The following SH2D4A variants were observed in gnomAD, a reference collection of about 807,000 sequenced individuals.
The protein encoded by SH2D4A is SH2 domain-containing protein 4A.
Under a neutral mutation model 64.7 loss-of-function variants are expected in SH2D4A, and 70 were observed. The observed-to-expected ratio is 1.08, with a 90% CI of 0.89 to 1.32. The LOEUF is 1.32. SH2D4A is among the 40% of genes most tolerant of loss of function. SH2D4A has a pLI of 0.00. For missense variants in SH2D4A, 706 were observed against 540.1 expected, an observed-to-expected ratio of 1.31 and a Z score of -3.04; for synonymous variants, 268 against 200.7, an observed-to-expected ratio of 1.34 and a Z score of -2.83.
rs749977451 is a variant in SH2D4A at position 19,394,950 on chromosome 8, G to C, written c.*308G>C. On this transcript the variant is annotated 3_prime_UTR_variant, in exon 10 of 10. Transcript: ENST00000265807. ...CAAATGAAGAAATGGAAAACTTTTA[G>C]AAATTAAGGTGTACTTGAAAACGAA... The C allele has an allele frequency of 1.5e-5, 3 of 195,442 alleles. No individual in the cohort carries two copies. Among genetic ancestry groups the C allele is most frequent in the Non-Finnish European group, 3.1e-5 (3 of 97,154 alleles). 12.1% of individuals were successfully genotyped at this position (195,442 alleles called of 1,614,324 possible).
At chr8:19,330,163 T>C (rs912230794) in intron 2 of SH2D4A, among the ~76,000 whole-genome samples, 2 of 152,150 alleles carry the variant, frequency 1.3e-5, no homozygotes, top group African/African-American at 4.8e-5. Context: ...AATGAACTAC[T>C]ACGAAGGCCT....
intron 6 of SH2D4A, among the ~76,000 whole-genome samples, chr8:19,362,400 C>T (rs1473854445): frequency 6.6e-6 from 1 of 152,100 alleles, no homozygotes; most frequent in Non-Finnish European, 1.5e-5. Flanking sequence ...TTCTGTTTTA[C>T]AAAGTAGTCA....
intron 8 of SH2D4A, among the ~76,000 whole-genome samples, chr8:19,385,102 C>G (rs1359560273): frequency 2.0e-5 from 3 of 152,164 alleles, no homozygotes; most frequent in Non-Finnish European, 4.4e-5. Flanking sequence ...ACAACTGAAC[C>G]TACCCTCCTC....
intron 8 of SH2D4A, among the ~76,000 whole-genome samples, chr8:19,379,808 C>T (rs554483763): frequency 1.3e-5 from 2 of 152,238 alleles, no homozygotes; most frequent in African/African-American, 4.8e-5. Context: ...ACACTTAGAG[C>T]TCACTGCAGT....
chr8:19,328,222 G>A (rs1311224871), intron 2 of SH2D4A, among the ~76,000 whole-genome samples: 2 of 152,080 alleles, frequency 1.3e-5, no homozygotes, highest in South Asian at 4.1e-4. Flanking sequence ...GCCACCTATA[G>A]AGTCATTCCC....
intron 1 of SH2D4A, among the ~76,000 whole-genome samples, chr8:19,315,247 C>A (rs867001524): frequency 1.3e-5 from 2 of 152,166 alleles, no homozygotes; most frequent in Non-Finnish European, 2.9e-5. Flanking sequence ...GAGATCCCCC[C>A]ACCTCAACCT....
chr8:19,340,987 A>G (rs2117229391), intron 4 of SH2D4A, among the ~76,000 whole-genome samples: 2 of 152,296 alleles, frequency 1.3e-5, no homozygotes, highest in South Asian at 4.1e-4. Flanking sequence ...AACAAACAAT[A>G]CAATACCATT....
At chr8:19,367,943 A>G (rs1456798047) in intron 7 of SH2D4A, among the ~76,000 whole-genome samples, 1 of 152,148 alleles carries the variant, frequency 6.6e-6, no homozygotes, top group African/African-American at 2.4e-5. Flanking sequence ...ATCCTTGCTC[A>G]GACTGATGTC....
At chr8:19,325,267 C>A (rs905655113) in intron 2 of SH2D4A, among the ~76,000 whole-genome samples, 38 of 152,156 alleles carry the variant, frequency 2.5e-4, no homozygotes, top group Non-Finnish European at 5.3e-4. Flanking sequence ...TTCCCACTAC[C>A]AAGATACTGT....
intron 2 of SH2D4A, among the ~76,000 whole-genome samples, chr8:19,329,058 G>A (rs932603107): frequency 2.6e-5 from 4 of 152,092 alleles, no homozygotes; most frequent in Admixed American, 6.5e-5. Flanking sequence ...TGCCCCTCTC[G>A]GCCCTGGTGG....
chr8:19,314,102 TGGGGGCTTGCAGGG>T, intron 1 of SH2D4A: 1 of 441,420 alleles, frequency 2.3e-6, no homozygotes, highest in Non-Finnish European at 3.0e-6. Context: ...CCCCGGGGCC[TGGGGGCTTGCAGGG>T]GGTGGCGGGG....
chr8:19,351,840 G>A (rs56238267), intron 4 of SH2D4A, among the ~76,000 whole-genome samples: 18,938 of 152,004 alleles, frequency 0.12, 1,239 homozygotes, highest in Middle Eastern at 0.18. Context: ...CTGGAGTGCA[G>A]TGGTGAGATC....
At chr8:19,313,962 C>T (rs1489940093) in intron 1 of SH2D4A, 139 bp downstream of exon 1, 4 of 1,263,304 alleles carry the variant, frequency 3.2e-6, no homozygotes, top group Non-Finnish European at 4.0e-6. Flanking sequence ...CTCACCCCCG[C>T]CTCCACCCCT....
intron 2 of SH2D4A, among the ~76,000 whole-genome samples, chr8:19,322,806 C>G (rs1342021773): frequency 6.6e-6 from 1 of 151,768 alleles, no homozygotes; most frequent in Non-Finnish European, 1.5e-5. Flanking sequence ...GAGTGACTAG[C>G]TGGGATTATA....
intron 8 of SH2D4A, among the ~76,000 whole-genome samples, chr8:19,391,241 G>T (rs929521246): frequency 6.6e-6 from 1 of 152,146 alleles, no homozygotes; most frequent in African/African-American, 2.4e-5. Flanking sequence ...TTATCAATGG[G>T]ACCAGGTATG....
intron 7 of SH2D4A, 58 bp downstream of exon 7, chr8:19,364,340 G>A (rs140625181): frequency 5.0e-5 from 79 of 1,580,266 alleles, no homozygotes; most frequent in African/African-American, 3.5e-4. Context: ...TTGAATAAGC[G>A]TTGAAATTAA....
chr8:19,361,569 T>C (rs1409520632), intron 6 of SH2D4A, among the ~76,000 whole-genome samples: 1 of 152,208 alleles, frequency 6.6e-6, no homozygotes, highest in African/African-American at 2.4e-5. Flanking sequence ...TATATAGCTA[T>C]GGAAAATAGG....
At chr8:19,373,885 G>C (rs111919171) in intron 8 of SH2D4A, among the ~76,000 whole-genome samples, 7 of 152,178 alleles carry the variant, frequency 4.6e-5, no homozygotes, top group Admixed American at 2.6e-4. Context: ...CTGTGGGGCA[G>C]ACTTATCACC....
intron 4 of SH2D4A, among the ~76,000 whole-genome samples, chr8:19,340,063 G>A (rs2052503873): frequency 6.6e-6 from 1 of 152,140 alleles, no homozygotes; most frequent in Admixed American, 6.5e-5. Flanking sequence ...TTAGCACTGG[G>A]GCAGCTCCGA....
Sources: gnomAD v4.1 joint callset for allele counts (sites outside exome capture counted in the v4.1 genomes callset) on GRCh38, gnomAD v4.1.1 for gene constraint, MANE v1.5 for transcripts, NCBI Gene and HGNC (gene_info 2026-07-23, HGNC 2026-07-21) for gene names.